Variants in ZNF804B observed in about 807,000 individuals in gnomAD.
ZNF804B encodes zinc finger 804B.
A neutral mutation model predicts 101.4 loss-of-function variants in ZNF804B; 80 were observed. That is an observed-to-expected ratio of 0.79 (90% confidence interval 0.66 to 0.95). The LOEUF is 0.95. Among genes scored for constraint, ZNF804B ranks in the 40% least tolerant of loss-of-function variants. ZNF804B has a pLI of 0.00. For synonymous variants in ZNF804B, 622 were observed against 558.8 expected (o/e 1.11, Z -1.59); for missense variants, 1,673 against 1,561.9 (o/e 1.07, Z -1.20).
chr7:89,102,779 C>T (rs191651257), intron 1 of ZNF804B, among the ~76,000 whole-genome samples: 1 of 151,820 alleles, frequency 6.6e-6, no homozygotes, highest in African/African-American at 2.4e-5. Flanking sequence ...ACAATATTTT[C>T]CTAGGTTTTC....
intron 3 of ZNF804B, among the ~76,000 whole-genome samples, chr7:89,330,366 A>G (rs904591233): frequency 5.3e-5 from 8 of 151,662 alleles, no homozygotes; most frequent in Admixed American, 3.3e-4. Context: ...AAGAGAGTGA[A>G]TCTAGTGCCC....
At chr7:88,794,828 G>A (rs758910863) in intron 1 of ZNF804B, 20 of 1,613,568 alleles carry the variant, frequency 1.2e-5, no homozygotes, top group Admixed American at 1.7e-5. Context: ...AGGTGTAGTC[G>A]TTGTTTCTCT....
At chr7:88,809,964 C>G (rs1048955743) in intron 1 of ZNF804B, among the ~76,000 whole-genome samples, 3 of 152,136 alleles carry the variant, frequency 2.0e-5, no homozygotes, top group African/African-American at 7.2e-5. Context: ...GTTTCCACTC[C>G]TTTATTGTTT....
chr7:88,948,306 A>ATTTT (rs68069374), intron 1 of ZNF804B, among the ~76,000 whole-genome samples: 48 of 92,714 alleles, frequency 5.2e-4, no homozygotes, highest in South Asian at 1.2e-3. Flanking sequence ...CCACCCATCC[A>ATTTT]TTTTTTTTTT....
chr7:89,163,256 T>A (rs970169602), intron 1 of ZNF804B, among the ~76,000 whole-genome samples: 1 of 152,182 alleles, frequency 6.6e-6, no homozygotes, highest in African/African-American at 2.4e-5. Context: ...TTGTACCTAT[T>A]GTGTCCCTAT....
At chr7:88,793,745 G>A (rs1176408122) in intron 1 of ZNF804B, among the ~76,000 whole-genome samples, 1 of 151,944 alleles carries the variant, frequency 6.6e-6, no homozygotes, top group African/African-American at 2.4e-5. Context: ...CCTCTAACCT[G>A]AGGTTGCAAG....
chr7:88,972,241 T>C (rs1003330351), intron 1 of ZNF804B, among the ~76,000 whole-genome samples: 22 of 151,568 alleles, frequency 1.5e-4, no homozygotes, highest in Admixed American at 6.6e-4. Context: ...ACTTATACTG[T>C]CTCATTTCTC....
intron 2 of ZNF804B, among the ~76,000 whole-genome samples, chr7:89,322,041 G>A (rs1011262490): frequency 8.5e-5 from 13 of 152,096 alleles, no homozygotes; most frequent in East Asian, 1.9e-4. Context: ...CATCTGATGC[G>A]AAAGTTCTCA....
At chr7:89,046,691 C>T (rs1789112926) in intron 1 of ZNF804B, among the ~76,000 whole-genome samples, 1 of 151,970 alleles carries the variant, frequency 6.6e-6, no homozygotes, top group Non-Finnish European at 1.5e-5. Context: ...TTTTGATTTT[C>T]CTTTTTTTTC....
intron 2 of ZNF804B, among the ~76,000 whole-genome samples, chr7:89,230,332 C>T (rs1007157274): frequency 6.8e-6 from 1 of 148,034 alleles, no homozygotes; most frequent in South Asian, 2.1e-4. Flanking sequence ...AGAGAATGAG[C>T]GAGTTAGGAT....
At position 89,134,369 on chromosome 7, in the gene ZNF804B, G is replaced by T. The variant is rs542717757; in HGVS notation, c.109-83786G>T. 2.2e-3 allele frequency among the ~76,000 whole-genome samples: 330 copies of T among 152,094 alleles called. 1 individual carries two copies. Among genetic ancestry groups the T allele is most frequent in the Non-Finnish European group, 3.7e-3 (253 of 67,946 alleles). ...AGTGGGAATGGAGCTGCTTTTTTCT[G>T]TTTTCTGCTATCTCAGTGAGGCCAA... On this transcript the variant is annotated intron_variant, in intron 1 of 3. Transcript: ENST00000333190.
At chr7:89,217,998 A>G (rs1222798686) in intron 1 of ZNF804B, among the ~76,000 whole-genome samples, 157 bp from the exon 2 acceptor site, 2 of 152,188 alleles carry the variant, frequency 1.3e-5, no homozygotes, top group Non-Finnish European at 2.9e-5. Context: ...GTTAGGGATG[A>G]TGCAAAACTA....
chr7:89,015,426 G>A (rs1230881971), intron 1 of ZNF804B, among the ~76,000 whole-genome samples: 1 of 151,698 alleles, frequency 6.6e-6, no homozygotes, highest in South Asian at 2.1e-4. Flanking sequence ...ATGCTGGTGT[G>A]CTGCACCCAT....
chr7:89,234,750 C>G (rs1468369687), intron 2 of ZNF804B, among the ~76,000 whole-genome samples: 1 of 152,170 alleles, frequency 6.6e-6, no homozygotes, highest in Non-Finnish European at 1.5e-5. Flanking sequence ...GGTTCTTTGG[C>G]TCTTGAATTA....
chr7:89,332,976 C>G (rs1041016429), intron 3 of ZNF804B, among the ~76,000 whole-genome samples: 3 of 151,700 alleles, frequency 2.0e-5, no homozygotes, highest in African/African-American at 7.2e-5. Context: ...TTTAAAGTGG[C>G]TTTTAATTCT....
chr7:89,281,256 T>C (rs1790089632), intron 2 of ZNF804B, among the ~76,000 whole-genome samples: 1 of 152,142 alleles, frequency 6.6e-6, no homozygotes, highest in African/African-American at 2.4e-5. Flanking sequence ...TTATTTTGGC[T>C]CCCAGGGGAG....
intron 2 of ZNF804B, among the ~76,000 whole-genome samples, chr7:89,293,022 T>C (rs1790322295): frequency 6.6e-6 from 1 of 152,254 alleles, no homozygotes; most frequent in East Asian, 1.9e-4. Flanking sequence ...TGTGATTATA[T>C]ACATCTGTAG....
rs534899540 is a variant in ZNF804B, at chr7:89,197,166, G to A, written c.109-20989G>A. The stretch of plus-strand genomic sequence containing the variant: ...ACCACTGTGTCACACATTTACCTAT[G>A]TAACAATCCTGCACATCCTGCAGAG... On this transcript the variant is annotated intron_variant, in intron 1 of 3. Transcript: ENST00000333190. 4.6e-5 allele frequency among the ~76,000 whole-genome samples: 7 copies of A among 151,904 alleles called. No individual in the cohort carries two copies. In the East Asian group the frequency reaches 7.7e-4, roughly 17 times the overall value.
At chr7:89,224,739 TGTGTG>T (rs1402569212) in intron 2 of ZNF804B, among the ~76,000 whole-genome samples, 4 of 99,960 alleles carry the variant, frequency 4.0e-5, no homozygotes, top group Non-Finnish European at 9.1e-5. Context: ...TGTGTGTGTG[TGTGTG>T]TGTGTGTATG....
Sources: allele counts gnomAD v4.1 joint callset (sites outside exome capture counted in the v4.1 genomes callset), GRCh38; gene constraint gnomAD v4.1.1; transcripts MANE v1.5; gene names NCBI Gene and HGNC (gene_info 2026-07-23, HGNC 2026-07-21).